Variants in FHOD3 observed in about 807,000 individuals in gnomAD.
The protein encoded by FHOD3 is FH1/FH2 domain-containing protein 3.
A neutral mutation model predicts 173.0 loss-of-function variants in FHOD3; 90 were observed. The ratio of observed to expected loss-of-function variants is 0.52; its 90% CI spans 0.44 to 0.62. The LOEUF is 0.62. FHOD3 is among the 20% of genes least tolerant of loss of function. The pLI is 0.00. For synonymous variants in FHOD3, 828 were observed against 823.0 expected, an observed-to-expected ratio of 1.01 and a Z score of -0.10; for missense variants, 1,945 against 2,034.7, an observed-to-expected ratio of 0.96 and a Z score of 0.85.
intron 5 of FHOD3, among the ~76,000 whole-genome samples, chr18:36,574,564 C>T (rs1263999332): frequency 1.3e-5 from 2 of 152,046 alleles, no homozygotes; most frequent in Non-Finnish European, 2.9e-5. Flanking sequence ...ATGCTGCATA[C>T]AGATTTCTCA....
intron 3 of FHOD3, among the ~76,000 whole-genome samples, chr18:36,409,727 A>T (rs956225116): frequency 6.6e-6 from 1 of 152,158 alleles, no homozygotes; most frequent in African/African-American, 2.4e-5. Flanking sequence ...GTATGTGGAA[A>T]AGCTAGAGCT....
chr18:36,429,091 C>T (rs1002814027), intron 3 of FHOD3, among the ~76,000 whole-genome samples: 23 of 152,138 alleles, frequency 1.5e-4, no homozygotes, highest in African/African-American at 4.8e-4. Context: ...AGCTTGTGAA[C>T]GGTCTTGAGG....
chr18:36,747,180 A>G (rs369841209), intron 24 of FHOD3, 45 bp downstream of exon 24: 54 of 1,450,062 alleles, frequency 3.7e-5, no homozygotes, highest in Middle Eastern at 3.7e-4. Flanking sequence ...ACAATGGCAT[A>G]TTGAAAAATT....
At chr18:36,735,907 TA>T (rs2041605343) in intron 20 of FHOD3, among the ~76,000 whole-genome samples, 1 of 152,212 alleles carries the variant, frequency 6.6e-6, no homozygotes, top group South Asian at 2.1e-4. Context: ...CGTCTATTTT[TA>T]AAAAGGGATT....
intron 8 of FHOD3, among the ~76,000 whole-genome samples, chr18:36,609,607 CT>C (rs1181851197): frequency 0.19 from 22,291 of 118,088 alleles, 1,224 homozygotes; most frequent in East Asian, 0.23. Context: ...CTTTTTAGTT[CT>C]TTTTTTTTTT....
At chr18:36,379,196 G>T (rs1302191102) in intron 3 of FHOD3, among the ~76,000 whole-genome samples, 4 of 152,220 alleles carry the variant, frequency 2.6e-5, no homozygotes, top group Admixed American at 2.6e-4. Context: ...ACTTGTGAGA[G>T]AGAGGTAGCG....
intron 14 of FHOD3, among the ~76,000 whole-genome samples, chr18:36,661,626 C>T (rs571717463): frequency 3.3e-5 from 5 of 152,216 alleles, no homozygotes; most frequent in East Asian, 1.9e-4. Context: ...TCAGGCACCT[C>T]GGCCCACTTT....
chr18:36,372,277 A>G (rs572054208), intron 2 of FHOD3, among the ~76,000 whole-genome samples: 1 of 152,312 alleles, frequency 6.6e-6, no homozygotes, highest in African/African-American at 2.4e-5. Flanking sequence ...CCCTTTTCCT[A>G]TATCTGCCCC....
intron 5 of FHOD3, among the ~76,000 whole-genome samples, chr18:36,564,151 C>T (rs1404106868): frequency 6.6e-6 from 1 of 152,184 alleles, no homozygotes; most frequent in Non-Finnish European, 1.5e-5. Context: ...ACTGCTGACC[C>T]TGCTGCAGAG....
At chr18:36,613,928 C>T (rs1317878912) in intron 9 of FHOD3, among the ~76,000 whole-genome samples, 1 of 152,128 alleles carries the variant, frequency 6.6e-6, no homozygotes, top group Non-Finnish European at 1.5e-5. Context: ...TTGCCTCAGC[C>T]TCCCAAAGTG....
chr18:36,472,139 TATA>T lies in FHOD3; in HGVS notation c.338-29791_338-29789del, dbSNP rs138435073. Among the ~76,000 whole-genome samples, 1,163 of 152,334 alleles carry T rather than the reference TATA, an allele frequency of 7.6e-3. 11 individuals are homozygous for T. Among genetic ancestry groups the T allele is most frequent in the African/African-American group, 0.026 (1,096 of 41,564 alleles). On this transcript the variant is annotated intron_variant, in intron 3 of 28. Coordinates refer to ENST00000590592, the MANE Select transcript of FHOD3 (RefSeq NM_001281740.3). The stretch of plus-strand genomic sequence containing the variant: ...GCATACTTTGCTGTAATCTTAAATA[TATA>T]AGTTACTTGGCCTACATGATTTCTA...
chr18:36,685,892 A>G (rs2038578975), intron 15 of FHOD3, among the ~76,000 whole-genome samples: 1 of 152,206 alleles, frequency 6.6e-6, no homozygotes, highest in South Asian at 2.1e-4. Context: ...AAACAGCAGG[A>G]ACAGAAAAAC....
intron 3 of FHOD3, among the ~76,000 whole-genome samples, chr18:36,498,653 T>C (rs1461553770): frequency 6.6e-6 from 1 of 152,068 alleles, no homozygotes; most frequent in Admixed American, 6.6e-5. Flanking sequence ...ATTGAATAAA[T>C]AACACAAAGT....
At chr18:36,605,051 G>A (rs918338391) in intron 8 of FHOD3, among the ~76,000 whole-genome samples, 1 of 152,126 alleles carries the variant, frequency 6.6e-6, no homozygotes, top group African/African-American at 2.4e-5. Context: ...TAACCCTGGT[G>A]GGAAATGGGC....
intron 1 of FHOD3, among the ~76,000 whole-genome samples, chr18:36,336,872 AAAG>A (rs2089737834): frequency 1.3e-5 from 2 of 148,244 alleles, no homozygotes; most frequent in African/African-American, 5.1e-5. Context: ...AAAAAAAAAA[AAAG>A]GAAATTAATT....
At chr18:36,654,616 A>T (rs2036286323) in intron 13 of FHOD3, among the ~76,000 whole-genome samples, 2 of 152,170 alleles carry the variant, frequency 1.3e-5, no homozygotes, top group Non-Finnish European at 2.9e-5. Flanking sequence ...AAGCGAGCTC[A>T]TACGCATCCC....
chr18:36,516,047 A>G (rs1034534006), intron 5 of FHOD3, among the ~76,000 whole-genome samples: 4 of 152,152 alleles, frequency 2.6e-5, no homozygotes, highest in African/African-American at 9.7e-5. Flanking sequence ...TCCTGCAGGG[A>G]AGCTATGATT....
intron 17 of FHOD3, among the ~76,000 whole-genome samples, chr18:36,703,169 T>A (rs2039683286): frequency 6.6e-6 from 1 of 152,150 alleles, no homozygotes; most frequent in Admixed American, 6.5e-5. Flanking sequence ...TAGGACTTGG[T>A]AAGAGTTGTG....
intron 19 of FHOD3, among the ~76,000 whole-genome samples, chr18:36,721,376 C>T (rs1029454638): frequency 6.6e-6 from 1 of 152,208 alleles, no homozygotes; most frequent in Non-Finnish European, 1.5e-5. Context: ...ATGGGTGGCT[C>T]ATTCTGGTAA....
Sources: allele counts gnomAD v4.1 joint callset (sites outside exome capture counted in the v4.1 genomes callset), GRCh38; gene constraint gnomAD v4.1.1; transcripts MANE v1.5; gene names NCBI Gene and HGNC (gene_info 2026-07-23, HGNC 2026-07-21).